SLC25A21: variants seen among roughly 807,000 people sequenced by gnomAD.
SLC25A21 encodes solute carrier family 25 member 21, also known as mitochondrial 2-oxodicarboxylate carrier.
In SLC25A21, 47 loss-of-function variants were observed where a neutral mutation model predicts 43.8. That is an observed-to-expected ratio of 1.07 (90% CI 0.85 to 1.37). SLC25A21 has a LOEUF of 1.37. SLC25A21 is among the 40% of genes most tolerant of loss of function. The probability of loss-of-function intolerance (pLI) is 0.00; values close to 1 mark genes in which losing one functional copy is unlikely to be tolerated. For missense variants in SLC25A21, 352 were observed against 350.2 expected, an observed-to-expected ratio of 1.00 and a Z score of -0.04; for synonymous variants, 131 against 121.3, an observed-to-expected ratio of 1.08 and a Z score of -0.52.
chr14:36,861,727 C>T (rs188706115), intron 2 of SLC25A21, among the ~76,000 whole-genome samples: 137 of 152,274 alleles, frequency 9.0e-4, no homozygotes, highest in South Asian at 4.6e-3. Context: ...AAATAAACAA[C>T]AAACATTTTG....
At chr14:36,754,091 A>G (rs1265796824) in intron 3 of SLC25A21, among the ~76,000 whole-genome samples, 1 of 152,220 alleles carries the variant, frequency 6.6e-6, no homozygotes, top group African/African-American at 2.4e-5. Flanking sequence ...TGACTAGGCT[A>G]CAGGGTGCCC....
intron 2 of SLC25A21, among the ~76,000 whole-genome samples, chr14:36,850,386 C>T (rs749873429): frequency 2.6e-5 from 4 of 152,120 alleles, no homozygotes; most frequent in Non-Finnish European, 4.4e-5. Context: ...TCAAGTCACA[C>T]TGAATCAGGA....
Position 36,927,570 on chromosome 14 carries a change from T to C in SLC25A21, c.71-52566A>G, listed in dbSNP as rs190317845. Reference sequence around the variant, plus strand: ...CATTTCCCATGGGAATCTGTGGCCATAGGAAGCATTTGAAAATGGTGACCA... The same window carrying C: ...CATTTCCCATGGGAATCTGTGGCCACAGGAAGCATTTGAAAATGGTGACCA... On this transcript the variant is annotated intron_variant, in intron 1 of 9. Coordinates refer to ENST00000331299, the MANE Select transcript of SLC25A21 (RefSeq NM_030631.4). Among the ~76,000 whole-genome samples, 332 of 152,298 alleles carry C rather than the reference T, an allele frequency of 2.2e-3. 1 individual carries two copies. Among genetic ancestry groups the C allele is most frequent in the African/African-American group, 7.2e-3 (300 of 41,584 alleles).
chr14:36,919,960 G>C (rs1891935803), intron 1 of SLC25A21, among the ~76,000 whole-genome samples: 2 of 152,046 alleles, frequency 1.3e-5, no homozygotes. Flanking sequence ...GTATATAGAT[G>C]TGTCCTGAAG....
intron 9 of SLC25A21, among the ~76,000 whole-genome samples, chr14:36,683,543 TCTCA>T (rs1882388645): frequency 6.6e-6 from 1 of 152,228 alleles, no homozygotes; most frequent in Non-Finnish European, 1.5e-5. Flanking sequence ...ACACCTCGGC[TCTCA>T]CTCAAACTCC....
At chr14:36,705,556 G>A (rs1383026127) in intron 7 of SLC25A21, among the ~76,000 whole-genome samples, 3 of 151,900 alleles carry the variant, frequency 2.0e-5, no homozygotes, top group Admixed American at 6.6e-5. Context: ...TCCCTCCACC[G>A]CTGCTCACTT....
At chr14:36,877,258 A>G (rs1422794065) in intron 1 of SLC25A21, among the ~76,000 whole-genome samples, 1 of 152,168 alleles carries the variant, frequency 6.6e-6, no homozygotes, top group East Asian at 1.9e-4. Context: ...TACCAAAAGA[A>G]CCCACAATAC....
At chr14:36,997,522 G>T (rs1960397696) in intron 1 of SLC25A21, among the ~76,000 whole-genome samples, 1 of 152,150 alleles carries the variant, frequency 6.6e-6, no homozygotes, top group African/African-American at 2.4e-5. Context: ...GACATTAAAA[G>T]TAATATTTAA....
At chr14:36,963,723 C>T (rs1044553187) in intron 1 of SLC25A21, among the ~76,000 whole-genome samples, 1 of 152,116 alleles carries the variant, frequency 6.6e-6, no homozygotes, top group Non-Finnish European at 1.5e-5. Context: ...GCTCCGACTT[C>T]GCAAGCCTGC....
intron 1 of SLC25A21, among the ~76,000 whole-genome samples, chr14:37,015,966 C>A (rs374035149): frequency 1.3e-5 from 2 of 149,492 alleles, no homozygotes; most frequent in Admixed American, 1.3e-4. Flanking sequence ...GAGTAGGTTG[C>A]GAAAATTTTC....
intron 3 of SLC25A21, among the ~76,000 whole-genome samples, chr14:36,750,597 A>G (rs1429461227): frequency 2.6e-5 from 4 of 152,144 alleles, no homozygotes; most frequent in Admixed American, 2.6e-4. Flanking sequence ...TCCCTCCTGA[A>G]AACATGAATT....
chr14:36,724,482 A>T (rs1884508243), intron 6 of SLC25A21, among the ~76,000 whole-genome samples: 1 of 152,234 alleles, frequency 6.6e-6, no homozygotes, highest in South Asian at 2.1e-4. Context: ...AGGTCAGCAG[A>T]TACTCCAAAC....
intron 1 of SLC25A21, among the ~76,000 whole-genome samples, chr14:37,075,124 C>T (rs1277037823): frequency 1.3e-5 from 2 of 152,190 alleles, no homozygotes; most frequent in South Asian, 4.1e-4. Context: ...ATGAAGACCA[C>T]TTTGAAACCA....
intron 1 of SLC25A21, among the ~76,000 whole-genome samples, chr14:36,883,784 G>A (rs1890828419): frequency 6.6e-6 from 1 of 151,928 alleles, no homozygotes. Context: ...AAGAATCCAC[G>A]ATGATAATTT....
At chr14:37,096,234 T>C (rs998896449) in intron 1 of SLC25A21, among the ~76,000 whole-genome samples, 38 of 152,158 alleles carry the variant, frequency 2.5e-4, no homozygotes, top group Admixed American at 1.3e-4. Flanking sequence ...GACAAATGCA[T>C]TGCCGTTTTA....
Position 36,949,552 on chromosome 14 carries a change from C to T in SLC25A21, c.71-74548G>A, listed in dbSNP as rs546906422. Among the ~76,000 whole-genome samples, 5 of 152,306 alleles carry T rather than the reference C, an allele frequency of 3.3e-5. No individual in the cohort carries two copies. The South Asian group carries it at 1.0e-3, about 32-fold the overall frequency. On this transcript the variant is annotated intron_variant, in intron 1 of 9. Coordinates refer to ENST00000331299, the MANE Select transcript of SLC25A21 (RefSeq NM_030631.4). Reference sequence around the variant, plus strand: ...TCCACCTTGTCCCCTGCCTCCTCTGCACTTCCTCCCCGCTGCCTGGCCCCA... The same window carrying T: ...TCCACCTTGTCCCCTGCCTCCTCTGTACTTCCTCCCCGCTGCCTGGCCCCA...
intron 1 of SLC25A21, 103 bp downstream of exon 1, chr14:37,172,178 A>C (rs1384655155): frequency 5.9e-5 from 71 of 1,198,788 alleles, no homozygotes; most frequent in Non-Finnish European, 7.9e-5. Flanking sequence ...ATTTTGAGGA[A>C]GAGGGCAGAA....
In SLC25A21 at chr14:36,735,930, ATTTTTTT is replaced by A. The variant is rs776933723; in HGVS notation, c.204-1364_204-1358del. Among the ~76,000 whole-genome samples, 11 of 84,304 alleles carry A rather than the reference ATTTTTTT, an allele frequency of 1.3e-4. No homozygotes were observed. The East Asian group carries it at 1.4e-3, about 11-fold the overall frequency. The allele number at this position is 84,304 out of a possible 152,430, so 55.3% of individuals were successfully genotyped here. On this transcript the variant is annotated intron_variant, in intron 3 of 9. Transcript: ENST00000331299. The stretch of plus-strand genomic sequence containing the variant: ...CTGATATGGGCTTATTCTGGCCACA[ATTTTTTT>A]TTTTTTTTTTTTTTTTTGAGACCGA...
At chr14:36,698,725 A>G (rs570645276) in intron 7 of SLC25A21, among the ~76,000 whole-genome samples, 29 of 152,212 alleles carry the variant, frequency 1.9e-4, no homozygotes, top group African/African-American at 7.0e-4. Flanking sequence ...AAGCTTGTGC[A>G]TGCATCATGA....
Sources: allele counts gnomAD v4.1 joint callset (sites outside exome capture counted in the v4.1 genomes callset), GRCh38; gene constraint gnomAD v4.1.1; transcripts MANE v1.5; gene names NCBI Gene and HGNC (gene_info 2026-07-23, HGNC 2026-07-21).